LHFPL3: variants seen among roughly 807,000 people sequenced by gnomAD.
LHFPL3 encodes the protein LHFPL tetraspan subfamily member 3 protein.
In LHFPL3, 5 loss-of-function variants were observed where a neutral mutation model predicts 19.3. The ratio of observed to expected loss-of-function variants is 0.26; its 90% confidence interval spans 0.14 to 0.54. LHFPL3 has a LOEUF of 0.54. Ranked by LOEUF, LHFPL3 falls within the 20% of genes least tolerant of loss-of-function variation. LHFPL3 has a pLI of 0.94. For synonymous variants in LHFPL3, 133 were observed against 126.2 expected, an observed-to-expected ratio of 1.05 and a Z score of -0.36; for missense variants, 249 against 307.4, an observed-to-expected ratio of 0.81 and a Z score of 1.42.
chr7:104,816,390 G>C (rs917779358), intron 2 of LHFPL3, among the ~76,000 whole-genome samples: 6 of 152,208 alleles, frequency 3.9e-5, no homozygotes, highest in Admixed American at 6.5e-5. Flanking sequence ...CACTATGCTG[G>C]CTCCTGAGAT....
intron 1 of LHFPL3, among the ~76,000 whole-genome samples, chr7:104,354,891 C>T (rs1212048183): frequency 1.3e-5 from 2 of 152,002 alleles, no homozygotes; most frequent in East Asian, 3.9e-4. Flanking sequence ...TACATATAGT[C>T]AACATAAAAA....
chr7:104,737,054 A>G (rs759571698), intron 2 of LHFPL3, 143 bp downstream of exon 2: 96 of 621,244 alleles, frequency 1.5e-4, no homozygotes, highest in Non-Finnish European at 2.5e-4. Flanking sequence ...TGCAGACTTT[A>G]CCCCAGACTC....
At chr7:104,408,059 A>G (rs1258908299) in intron 1 of LHFPL3, among the ~76,000 whole-genome samples, 1 of 152,170 alleles carries the variant, frequency 6.6e-6, no homozygotes, top group Non-Finnish European at 1.5e-5. Flanking sequence ...GGAAACCCAG[A>G]AAGAAATTCC....
At chr7:104,593,196 A>G (rs1408142343) in intron 1 of LHFPL3, among the ~76,000 whole-genome samples, 1 of 151,654 alleles carries the variant, frequency 6.6e-6, no homozygotes, top group Non-Finnish European at 1.5e-5. Flanking sequence ...ATTTCCCTGT[A>G]CACACTGTTT....
intron 1 of LHFPL3, among the ~76,000 whole-genome samples, chr7:104,622,811 G>T (rs1791472701): frequency 6.6e-6 from 1 of 152,152 alleles, no homozygotes; most frequent in African/African-American, 2.4e-5. Flanking sequence ...TTAATTTCTT[G>T]TGGGTATATA....
intron 2 of LHFPL3, among the ~76,000 whole-genome samples, chr7:104,874,599 G>C (rs1791902398): frequency 6.6e-6 from 1 of 152,064 alleles, no homozygotes; most frequent in Non-Finnish European, 1.5e-5. Flanking sequence ...TTTAGAGACA[G>C]GGTTTCATCA....
intron 2 of LHFPL3, chr7:104,738,601 C>G (rs1420532053): frequency 6.6e-6 from 1 of 152,054 alleles, no homozygotes; most frequent in Non-Finnish European, 1.5e-5. Context: ...AAAAATATAA[C>G]AAAAGCAGGA....
chr7:104,683,294 G>T (rs1281448098), intron 1 of LHFPL3, among the ~76,000 whole-genome samples: 1 of 152,146 alleles, frequency 6.6e-6, no homozygotes, highest in Non-Finnish European at 1.5e-5. Context: ...CCGGCCACTG[G>T]TGAATCTTGT....
At chr7:104,650,691 C>T (rs796548401) in intron 1 of LHFPL3, among the ~76,000 whole-genome samples, 12 of 152,140 alleles carry the variant, frequency 7.9e-5, no homozygotes, top group African/African-American at 2.9e-4. Context: ...TTCTGGATAC[C>T]CTTGGCTTTT....
intron 1 of LHFPL3, among the ~76,000 whole-genome samples, chr7:104,542,947 A>G (rs1478169874): frequency 6.6e-6 from 1 of 152,196 alleles, no homozygotes; most frequent in African/African-American, 2.4e-5. Flanking sequence ...TGTGGCACAT[A>G]TACACCATGG....
chr7:104,668,116 C>T, intron 1 of LHFPL3: 1 of 1,613,970 alleles, frequency 6.2e-7, no homozygotes, highest in Non-Finnish European at 8.5e-7. Context: ...AATATCAGTG[C>T]AGTGCGTTTA....
chr7:104,432,823 T>C (rs551496298), intron 1 of LHFPL3, among the ~76,000 whole-genome samples: 241 of 152,276 alleles, frequency 1.6e-3, no homozygotes, highest in Non-Finnish European at 2.7e-3. Flanking sequence ...TTCTGCCTCC[T>C]CAGCATATCA....
At chr7:104,836,648 G>T (rs993259459) in intron 2 of LHFPL3, among the ~76,000 whole-genome samples, 16 of 152,302 alleles carry the variant, frequency 1.1e-4, no homozygotes, top group Admixed American at 2.0e-4. Flanking sequence ...TGCCATGAAG[G>T]TTGGGTCCTA....
chr7:104,561,541 C>G (rs1790003726), intron 1 of LHFPL3, among the ~76,000 whole-genome samples: 1 of 151,648 alleles, frequency 6.6e-6, no homozygotes, highest in African/African-American at 2.4e-5. Context: ...CTTGGTAGAT[C>G]TTCCTCCATC....
At chr7:104,448,581 TGAGTA>T (rs1241861608) in intron 1 of LHFPL3, among the ~76,000 whole-genome samples, 1 of 152,248 alleles carries the variant, frequency 6.6e-6, no homozygotes, top group African/African-American at 2.4e-5. Flanking sequence ...TTCCCCTTTA[TGAGTA>T]TTTTGGAACC....
intron 1 of LHFPL3, among the ~76,000 whole-genome samples, chr7:104,479,588 CA>C (rs1202796245): frequency 1.3e-5 from 2 of 152,138 alleles, no homozygotes; most frequent in Non-Finnish European, 2.9e-5. Flanking sequence ...GACGGCGTTT[CA>C]CCATGTTGGC....
chr7:104,411,552 A>C (rs1246336443), intron 1 of LHFPL3, among the ~76,000 whole-genome samples: 1 of 152,200 alleles, frequency 6.6e-6, no homozygotes, highest in Non-Finnish European at 1.5e-5. Context: ...ATCACCCATC[A>C]TAGATCTGAT....
At chr7:104,737,602 G>A (rs1793853807) in intron 2 of LHFPL3, among the ~76,000 whole-genome samples, 4 of 152,194 alleles carry the variant, frequency 2.6e-5, no homozygotes, top group South Asian at 4.1e-4. Flanking sequence ...ATAAGAGGTA[G>A]CAAGTTGTTA....
intron 1 of LHFPL3, among the ~76,000 whole-genome samples, chr7:104,438,707 G>A (rs1249371974): frequency 6.6e-6 from 1 of 151,576 alleles, no homozygotes; most frequent in Non-Finnish European, 1.5e-5. Context: ...AAAAAGATAA[G>A]CAAACAAATC....
Sources: allele counts gnomAD v4.1 joint callset (sites outside exome capture counted in the v4.1 genomes callset), GRCh38; gene constraint gnomAD v4.1.1; transcripts MANE v1.5; gene names NCBI Gene and HGNC (gene_info 2026-07-23, HGNC 2026-07-21).